Variants in STX12 observed in about 807,000 individuals in gnomAD.
STX12 encodes the protein syntaxin-12.
Under a neutral mutation model 42.2 loss-of-function variants are expected in STX12, and 17 were observed. The observed-to-expected ratio is 0.40, with a 90% confidence interval of 0.28 to 0.60. STX12 has a LOEUF of 0.60. Ranked by LOEUF, STX12 falls within the 20% of genes least tolerant of loss-of-function variation. The pLI, the probability that STX12 is intolerant of heterozygous loss-of-function variation, is 0.39. For synonymous variants in STX12, 108 were observed against 116.7 expected (o/e 0.93, Z 0.48); for missense variants, 297 against 330.9 (o/e 0.90, Z 0.79).
chr1:27,782,885 T>C (rs1293249217), intron 1 of STX12, among the ~76,000 whole-genome samples: 1 of 152,216 alleles, frequency 6.6e-6, no homozygotes, highest in African/African-American at 2.4e-5. Flanking sequence ...TGTAGTGATA[T>C]AAAAACAGAA....
chr1:27,819,574 A>G, intron 7 of STX12, 76 bp from the exon 8 acceptor site: 4 of 1,292,530 alleles, frequency 3.1e-6, no homozygotes, highest in Non-Finnish European at 4.4e-6. Context: ...AGGACATGTA[A>G]CATCAGAAAT....
chr1:27,814,578 GT>G (rs1435848347), intron 6 of STX12, among the ~76,000 whole-genome samples: 1 of 151,400 alleles, frequency 6.6e-6, no homozygotes, highest in Non-Finnish European at 1.5e-5. Flanking sequence ...GCCGGGCGCG[GT>G]GGCTCATGCC....
intron 7 of STX12, among the ~76,000 whole-genome samples, chr1:27,819,309 A>G (rs766628513): frequency 6.6e-6 from 1 of 151,050 alleles, no homozygotes; most frequent in East Asian, 2.0e-4. Flanking sequence ...AAATAAAAAT[A>G]TTATAAGGAC....
rs115103741 is a variant in STX12 at position 27,792,946 on chromosome 1, G to C, written c.189-587G>C. 8.1e-4 allele frequency among the ~76,000 whole-genome samples: 123 copies of C among 152,230 alleles called. 1 individual carries two copies. The highest frequency in any genetic ancestry group is 2.6e-3 in the African/African-American group (107 of 41,536). ...TCCTTTTGTATTTTTAACAGGTAAG[G>C]CTTCTTTGTTTTGGAGGGAAGAGCC... On this transcript the variant is annotated intron_variant, in intron 2 of 8. Coordinates refer to ENST00000373943, the MANE Select transcript of STX12 (RefSeq NM_177424.3).
chr1:27,800,290 C>G (rs185448513), intron 3 of STX12, among the ~76,000 whole-genome samples: 6 of 152,256 alleles, frequency 3.9e-5, no homozygotes, highest in Non-Finnish European at 7.4e-5. Flanking sequence ...TCTCTTGAGG[C>G]CTTTCTTGGC....
chr1:27,812,411 A>G (rs1462797010), intron 6 of STX12, 143 bp downstream of exon 6: 1 of 664,462 alleles, frequency 1.5e-6, no homozygotes, highest in Non-Finnish European at 2.5e-6. Context: ...TCTCAGTGTA[A>G]TCATGGTGGG....
chr1:27,792,431 G>C (rs1036330459), intron 2 of STX12, among the ~76,000 whole-genome samples: 1 of 150,004 alleles, frequency 6.7e-6, no homozygotes, highest in Non-Finnish European at 1.5e-5. Context: ...GACTATTATT[G>C]TGAGCTTTTT....
intron 6 of STX12, among the ~76,000 whole-genome samples, chr1:27,816,706 C>T (rs1212357424): frequency 2.0e-5 from 3 of 150,946 alleles, no homozygotes; most frequent in Non-Finnish European, 2.9e-5. Flanking sequence ...ATCACGATGT[C>T]AGGAGTTCAA....
chr1:27,814,049 C>T (rs1277996714), intron 6 of STX12, among the ~76,000 whole-genome samples: 3 of 152,048 alleles, frequency 2.0e-5, no homozygotes, highest in Non-Finnish European at 4.4e-5. Context: ...TATAGGTGCC[C>T]GCCACCACTC....
At chr1:27,792,940 G>A (rs1029109548) in intron 2 of STX12, among the ~76,000 whole-genome samples, 1 of 152,114 alleles carries the variant, frequency 6.6e-6, no homozygotes, top group Non-Finnish European at 1.5e-5. Flanking sequence ...ATTTTTAACA[G>A]GTAAGGCTTC....
chr1:27,792,238 A>G (rs182913380), intron 2 of STX12, among the ~76,000 whole-genome samples: 2 of 123,370 alleles, frequency 1.6e-5, no homozygotes, highest in South Asian at 5.3e-4. Flanking sequence ...ATACATATAT[A>G]TGTATCTATA....
intron 6 of STX12, 34 bp from the exon 7 acceptor site, chr1:27,817,817 T>C (rs375973463): frequency 1.9e-6 from 3 of 1,585,384 alleles, no homozygotes; most frequent in South Asian, 1.1e-5. Context: ...AACATGTTGC[T>C]TAATGTTAGT....
intron 4 of STX12, among the ~76,000 whole-genome samples, chr1:27,802,301 C>T (rs1267042843): frequency 6.6e-6 from 1 of 152,178 alleles, no homozygotes; most frequent in Admixed American, 6.5e-5. Flanking sequence ...ACTTGAACTT[C>T]AGTTTTGATA....
Position 27,801,605 on chromosome 1 carries a change from A to G in STX12, c.289-73A>G, listed in dbSNP as rs1046641165. The G allele has an allele frequency of 9.3e-6, 13 of 1,401,952 alleles. No individual in the cohort carries two copies. In the Admixed American group the frequency reaches 3.5e-4, roughly 38 times the overall value. The allele number at this position is 1,401,952 out of a possible 1,614,324, so 86.8% of individuals were successfully genotyped here. On this transcript the variant is annotated intron_variant, in intron 3 of 8. Coordinates refer to ENST00000373943, the MANE Select transcript of STX12 (RefSeq NM_177424.3). Reference sequence around the variant, plus strand: ...GGAAATCTTTAAGGGGTATAATTTTACTTTTAAGGGAAATTAAAACCAAAT... The same window carrying G: ...GGAAATCTTTAAGGGGTATAATTTTGCTTTTAAGGGAAATTAAAACCAAAT...
intron 4 of STX12, among the ~76,000 whole-genome samples, chr1:27,804,947 C>G (rs778247550): frequency 6.6e-6 from 1 of 152,098 alleles, no homozygotes; most frequent in Non-Finnish European, 1.5e-5. Flanking sequence ...AGGAAACTTA[C>G]AGTCATGGTA....
At chr1:27,815,208 C>G (rs531078967) in intron 6 of STX12, among the ~76,000 whole-genome samples, 4 of 152,120 alleles carry the variant, frequency 2.6e-5, no homozygotes, top group Non-Finnish European at 4.4e-5. Flanking sequence ...CAATCCCCCA[C>G]GGATACCAAG....
chr1:27,783,335 T>A (rs2088680598), intron 1 of STX12, among the ~76,000 whole-genome samples: 1 of 152,034 alleles, frequency 6.6e-6, no homozygotes, highest in African/African-American at 2.4e-5. Flanking sequence ...TGTTTTTTGT[T>A]TTTGTTTTTG....
At chr1:27,798,251 C>T (rs2088800022) in intron 3 of STX12, among the ~76,000 whole-genome samples, 2 of 151,950 alleles carry the variant, frequency 1.3e-5, no homozygotes, top group African/African-American at 2.4e-5. Flanking sequence ...AAGATCATGG[C>T]CGGGCACAGT....
chr1:27,776,063 TAGGGCTGTGAAAATGAAAAGAA>T (rs1282340097), intron 1 of STX12, among the ~76,000 whole-genome samples: 2 of 152,136 alleles, frequency 1.3e-5, no homozygotes, highest in African/African-American at 4.8e-5. Flanking sequence ...AGATACCAGT[TAGGGCTGTGAAAATGAAAAGAA>T]AGGAAAGGAT....
Sources: gnomAD v4.1 joint callset for allele counts (sites outside exome capture counted in the v4.1 genomes callset) on GRCh38, gnomAD v4.1.1 for gene constraint, MANE v1.5 for transcripts, NCBI Gene and HGNC (gene_info 2026-07-23, HGNC 2026-07-21) for gene names.